The following CAPN2 variants were observed in gnomAD, a reference collection of about 807,000 sequenced individuals.
The protein encoded by CAPN2 is calpain 2, also known as calpain-2 catalytic subunit.
Under a neutral mutation model 102.3 loss-of-function variants are expected in CAPN2, and 92 were observed. That is an observed-to-expected ratio of 0.90 (90% CI 0.76 to 1.07). The LOEUF is 1.07. Among genes scored for constraint, CAPN2 ranks in the 50% least tolerant of loss-of-function variants. The probability of loss-of-function intolerance (pLI) is 0.00; values close to 1 mark genes in which losing one functional copy is unlikely to be tolerated. For synonymous variants in CAPN2, 340 were observed against 355.4 expected (o/e 0.96, Z 0.49); for missense variants, 800 against 909.4 (o/e 0.88, Z 1.55).
At position 223,775,061 on chromosome 1, in the gene CAPN2, A is replaced by T; in HGVS notation, c.*204A>T. The T allele has an allele frequency of 1.7e-6, 1 of 587,856 alleles. No individual in the cohort carries two copies. Among genetic ancestry groups the T allele is most frequent in the Non-Finnish European group, 3.0e-6 (1 of 333,418 alleles). The allele number at this position is 587,856 out of a possible 1,614,324, so 36.4% of individuals were successfully genotyped here. On this transcript the variant is annotated 3_prime_UTR_variant, in exon 21 of 21. Transcript: ENST00000295006. ...AAGTAAAAGATTTGCATATCATTATACTAAATGCAAATGAGTCGCTTAACC... is the reference window on the plus strand; with the variant it reads ...AAGTAAAAGATTTGCATATCATTATTCTAAATGCAAATGAGTCGCTTAACC...
chr1:223,723,613 G>A (rs1351555682), intron 2 of CAPN2, among the ~76,000 whole-genome samples: 1 of 152,042 alleles, frequency 6.6e-6, no homozygotes, highest in South Asian at 2.1e-4. Context: ...CTGCACTTAA[G>A]ATCTAAGATC....
In CAPN2 at chr1:223,712,585, G is replaced by A. The variant is rs1240143713; in HGVS notation, c.-56G>A. ...GGCCCTGGCCGCGCCCCAGCCGAGCGCAGCGCGGAGTCGCCCCGACCTTTC... is the reference window on the plus strand; with the variant it reads ...GGCCCTGGCCGCGCCCCAGCCGAGCACAGCGCGGAGTCGCCCCGACCTTTC... On this transcript the variant is annotated 5_prime_UTR_variant, in exon 1 of 21. Transcript: ENST00000295006. 11 of 1,436,660 alleles carry A rather than the reference G, an allele frequency of 7.7e-6. No individual in the cohort carries two copies. The highest frequency in any genetic ancestry group is 1.0e-5 in the Non-Finnish European group (11 of 1,095,526). 89.0% of individuals were successfully genotyped at this position (1,436,660 alleles called of 1,614,324 possible).
At chr1:223,753,102 C>A in intron 9 of CAPN2, 146 bp downstream of exon 9, 1 of 726,840 alleles carries the variant, frequency 1.4e-6, no homozygotes, top group Non-Finnish European at 2.3e-6. Context: ...TCTTCTTTCT[C>A]CCTGAGCCTT....
chr1:223,748,296 C>T (rs1002219049), intron 5 of CAPN2, among the ~76,000 whole-genome samples: 21 of 152,182 alleles, frequency 1.4e-4, no homozygotes, highest in South Asian at 2.1e-4. Context: ...CTGGTCTCTG[C>T]GGGGGACAGA....
At position 223,751,006 on chromosome 1, in the gene CAPN2, G is replaced by A. The variant is rs1311640259; in HGVS notation, c.899+31G>A. On this transcript the variant is annotated intron_variant, in intron 7 of 20. Transcript: ENST00000295006. Reference sequence around the variant, plus strand: ...GAGGGCGCAGGCCTCGGGGCCCCAGGCGGGGGTGCATTGTGCTGGGAGGCT... The same window carrying A: ...GAGGGCGCAGGCCTCGGGGCCCCAGACGGGGGTGCATTGTGCTGGGAGGCT... The A allele has an allele frequency of 8.6e-6, 13 of 1,519,912 alleles. No homozygotes were observed. In the Admixed American group the frequency reaches 1.4e-4, roughly 16 times the overall value. The allele number at this position is 1,519,912 out of a possible 1,614,324, so 94.2% of individuals were successfully genotyped here.
rs773055322 is a variant in CAPN2 at position 223,712,814 on chromosome 1, G to A, written c.174G>A (p.Leu58=). Residue 58 remains leucine, a synonymous_variant, in exon 1 of 21, where the codon CTG becomes CTA. Coordinates refer to ENST00000295006, the MANE Select transcript of CAPN2 (RefSeq NM_001748.5). ...CCTTCCCGGCCATCCCCTCGGCCCT[G>A]GGCTTCAAGGAGTTGGGGCCCTACT... ...DPSFPAIPSA[L]GFKELGPYSS... The A allele has an allele frequency of 1.3e-6, 2 of 1,574,708 alleles. No homozygotes were observed. The highest frequency in any genetic ancestry group is 2.8e-5 in the African/African-American group (2 of 72,220).
In CAPN2 at chr1:223,725,084, C is replaced by T. The variant is rs1660154692; in HGVS notation, c.307+7253C>T. Among the ~76,000 whole-genome samples the T allele has an allele frequency of 6.6e-6, 1 of 152,206 alleles. No individual in the cohort carries two copies. The highest frequency in any genetic ancestry group is 2.4e-5 in the African/African-American group (1 of 41,448). On this transcript the variant is annotated intron_variant, in intron 2 of 20. Coordinates refer to ENST00000295006, the MANE Select transcript of CAPN2 (RefSeq NM_001748.5). The surrounding 1 kb of genome is among the most constrained non-coding windows in gnomAD (Gnocchi z 4.1). The stretch of plus-strand genomic sequence containing the variant: ...GGCCTCTTATTCTGCCACATACTGG[C>T]TCTGTCATTTTGAGTGGATCACTAT...
chr1:223,747,863 T>C (rs745699753), intron 5 of CAPN2, among the ~76,000 whole-genome samples: 3 of 152,202 alleles, frequency 2.0e-5, no homozygotes, highest in Non-Finnish European at 2.9e-5. Flanking sequence ...TATTGGTTTC[T>C]GAGCACCCCA....
intron 3 of CAPN2, 114 bp downstream of exon 3, chr1:223,744,332 A>G (rs1359960870): frequency 1.8e-5 from 13 of 735,660 alleles, no homozygotes; most frequent in Non-Finnish European, 2.7e-5. Context: ...CAAGACCAAT[A>G]CTGTTCTACA....
rs117047670 is a variant in CAPN2, at chr1:223,723,525, C to T, written c.307+5694C>T. Among the ~76,000 whole-genome samples the T allele has an allele frequency of 2.4e-3, 372 of 152,218 alleles. 11 individuals carry two copies. In the East Asian group the frequency reaches 0.061, roughly 25 times the overall value. Reference sequence around the variant, plus strand: ...TTGTCCATGGGCCATCATGTCCCCTCGGCTTCTCTTCTGGTTGTAAATGCT... The same window carrying T: ...TTGTCCATGGGCCATCATGTCCCCTTGGCTTCTCTTCTGGTTGTAAATGCT... On this transcript the variant is annotated intron_variant, in intron 2 of 20. Coordinates refer to ENST00000295006, the MANE Select transcript of CAPN2 (RefSeq NM_001748.5).
At chr1:223,708,078 T>C (rs547109693), upstream of CAPN2, among the ~76,000 whole-genome samples, 7 of 152,336 alleles carry the variant, frequency 4.6e-5, no homozygotes, top group Admixed American at 2.0e-4. Context: ...CTGTTTTCAA[T>C]TGTGATGGCT....
At chr1:223,769,268 G>A (rs28370163) in intron 16 of CAPN2, among the ~76,000 whole-genome samples, 7,667 of 152,020 alleles carry the variant, frequency 0.05, 268 homozygotes, top group East Asian at 0.078. Flanking sequence ...CTACAGGTGC[G>A]CGCCACCATG....
At position 223,754,496 on chromosome 1, in the gene CAPN2, G is replaced by A. The variant is rs927456646; in HGVS notation, c.1136-984G>A. ...GGCAGCCATACTTAAGCGAATGGCCGTGGCTACGTTCCAATAAAACGTTAT... is the reference window on the plus strand; with the variant it reads ...GGCAGCCATACTTAAGCGAATGGCCATGGCTACGTTCCAATAAAACGTTAT... On this transcript the variant is annotated intron_variant, in intron 9 of 20. Coordinates refer to ENST00000295006, the MANE Select transcript of CAPN2 (RefSeq NM_001748.5). This position sits in a 1 kb window ranked among gnomAD's most constrained non-coding sequence, Gnocchi z 4.7. Among the ~76,000 whole-genome samples, 4 of 152,238 alleles carry A rather than the reference G, an allele frequency of 2.6e-5. No individual in the cohort carries two copies. The highest frequency in any genetic ancestry group is 6.5e-5 in the Admixed American group (1 of 15,286).
rs369956165 is a variant in CAPN2 at position 223,744,228 on chromosome 1, T to C, written c.426+10T>C. Reference sequence around the variant, plus strand: ...GATCTTTCACTTCCAGGTAACTTAATGGTTGGCTCAGGTGGTTCCTCAACA... The same window carrying C: ...GATCTTTCACTTCCAGGTAACTTAACGGTTGGCTCAGGTGGTTCCTCAACA... On this transcript the variant is annotated intron_variant, in intron 3 of 20. Transcript: ENST00000295006. 129 of 1,575,460 alleles carry C rather than the reference T, an allele frequency of 8.2e-5. No individual in the cohort carries two copies. The Middle Eastern group carries it at 1.2e-3, about 14-fold the overall frequency.
intron 7 of CAPN2, 35 bp from the exon 8 acceptor site, chr1:223,751,962 T>C (rs746176331): frequency 6.1e-5 from 87 of 1,433,964 alleles, no homozygotes; most frequent in Non-Finnish European, 8.4e-5. Flanking sequence ...GAAATCATCG[T>C]ACACTAACGC....
At chr1:223,711,178 C>T (rs915403214), upstream of CAPN2, among the ~76,000 whole-genome samples, 3 of 152,188 alleles carry the variant, frequency 2.0e-5, no homozygotes, top group Admixed American at 2.0e-4. Flanking sequence ...CAAATGTCTC[C>T]TGGGGTGGGT....
At chr1:223,766,736 T>C (rs982236167) in intron 16 of CAPN2, among the ~76,000 whole-genome samples, 2 of 152,082 alleles carry the variant, frequency 1.3e-5, no homozygotes, top group Non-Finnish European at 2.9e-5. Context: ...GTGGGCCTCC[T>C]GACTCACGAG....
intron 2 of CAPN2, among the ~76,000 whole-genome samples, chr1:223,739,733 A>G (rs981598479): frequency 6.6e-6 from 1 of 152,228 alleles, no homozygotes; most frequent in Non-Finnish European, 1.5e-5. Flanking sequence ...ACATAATATT[A>G]AAACCATAGG....
chr1:223,748,048 AGCCCCTGCCACCTGCT>A (rs911605098), intron 5 of CAPN2, among the ~76,000 whole-genome samples: 4 of 151,930 alleles, frequency 2.6e-5, no homozygotes, highest in East Asian at 1.9e-4. Flanking sequence ...GTTCCCTGGG[AGCCCCTGCCACCTGCT>A]GCCCCTGCCA....
Sources: gnomAD v4.1 joint callset for allele counts (sites outside exome capture counted in the v4.1 genomes callset) on GRCh38, gnomAD v4.1.1 for gene constraint, Gnocchi (gnomAD v3.1) non-coding constraint, MANE v1.5 for transcripts, NCBI Gene and HGNC (gene_info 2026-07-23, HGNC 2026-07-21) for gene names.